Variants in NREP observed in about 807,000 individuals in gnomAD.
NREP encodes neuronal regeneration-related protein.
A neutral mutation model predicts 8.6 loss-of-function variants in NREP; 5 were observed. The observed-to-expected ratio is 0.58, with a 90% CI of 0.30 to 1.22. The LOEUF (loss-of-function observed/expected upper bound fraction) is 1.22. Ranked by LOEUF, NREP falls within the 50% of genes most tolerant of loss-of-function variation. The pLI, the probability that NREP is intolerant of heterozygous loss-of-function variation, is 0.07. For synonymous variants in NREP, 27 were observed against 28.0 expected (o/e 0.96, Z 0.11); for missense variants, 86 against 82.5 (o/e 1.04, Z -0.17).
At chr5:111,929,825 T>G (rs1755488091) in intron 2 of NREP, among the ~76,000 whole-genome samples, 1 of 152,168 alleles carries the variant, frequency 6.6e-6, no homozygotes, top group Non-Finnish European at 1.5e-5. Flanking sequence ...AATAAGTGAT[T>G]AAGTGATTGA....
intron 2 of NREP, among the ~76,000 whole-genome samples, chr5:111,913,926 T>C (rs528816773): frequency 2.4e-4 from 37 of 152,236 alleles, no homozygotes; most frequent in Admixed American, 1.2e-3. Context: ...CTTTAAAAAC[T>C]AAAAGCATGC....
At chr5:111,973,904 C>G (rs1360472754) in intron 2 of NREP, among the ~76,000 whole-genome samples, 1 of 152,136 alleles carries the variant, frequency 6.6e-6, no homozygotes, top group East Asian at 1.9e-4. Context: ...TTTATCTACC[C>G]CTAATTTGTT....
intron 2 of NREP, among the ~76,000 whole-genome samples, chr5:111,745,171 G>A (rs961953579): frequency 3.3e-5 from 5 of 152,086 alleles, no homozygotes; most frequent in South Asian, 2.1e-4. Context: ...TATATAAAGC[G>A]CTGGCAACAG....
intron 2 of NREP, among the ~76,000 whole-genome samples, chr5:111,844,918 T>G (rs1753122294): frequency 1.3e-5 from 2 of 151,590 alleles, no homozygotes; most frequent in African/African-American, 4.8e-5. Flanking sequence ...TATCTATTAT[T>G]ATGTATTTTA....
chr5:111,975,485 T>C, intron 1 of NREP: 1 of 741,006 alleles, frequency 1.3e-6, no homozygotes, highest in South Asian at 1.7e-5. Flanking sequence ...TGTTCTCATT[T>C]CTAAAATGAG....
In NREP at chr5:111,807,659, T is replaced by C. The variant is rs6871497; in HGVS notation, c.136-72152A>G. Among the ~76,000 whole-genome samples the C allele has an allele frequency of 7.6e-3, 1,151 of 151,986 alleles. 23 individuals are homozygous for C. The highest frequency in any genetic ancestry group is 0.027 in the African/African-American group (1,108 of 41,470). ...CTTGCTTAGAAACCCTAAAGAGACTTAGAAAAAAAAACCAGATTTCAGGGA... is the reference window on the plus strand; with the variant it reads ...CTTGCTTAGAAACCCTAAAGAGACTCAGAAAAAAAAACCAGATTTCAGGGA... On this transcript the variant is annotated intron_variant, in intron 2 of 3. Coordinates refer to the NREP transcript ENST00000395634.
chr5:111,973,674 C>G (rs1756884534), intron 2 of NREP, among the ~76,000 whole-genome samples: 1 of 152,146 alleles, frequency 6.6e-6, no homozygotes, highest in African/African-American at 2.4e-5. Flanking sequence ...CCAGCTCAAG[C>G]TTATGACTAC....
At chr5:111,908,797 C>A (rs773898610) in intron 2 of NREP, among the ~76,000 whole-genome samples, 1 of 151,966 alleles carries the variant, frequency 6.6e-6, no homozygotes, top group Non-Finnish European at 1.5e-5. Flanking sequence ...TACCCACTAA[C>A]GGAATTGCTA....
chr5:111,828,586 C>G (rs1223063526), intron 2 of NREP, among the ~76,000 whole-genome samples: 1 of 151,912 alleles, frequency 6.6e-6, no homozygotes, highest in African/African-American at 2.4e-5. Context: ...GATTAGAGCG[C>G]TTAATTACAG....
At chr5:111,966,841 G>A (rs1756656144) in intron 2 of NREP, among the ~76,000 whole-genome samples, 1 of 152,080 alleles carries the variant, frequency 6.6e-6, no homozygotes, top group Non-Finnish European at 1.5e-5. Context: ...CACTATGTAA[G>A]GGAACCAAGA....
chr5:111,950,449 A>C (rs1001571304), intron 2 of NREP, among the ~76,000 whole-genome samples: 2 of 152,170 alleles, frequency 1.3e-5, no homozygotes, highest in African/African-American at 4.8e-5. Flanking sequence ...AAACCCTGGG[A>C]GAAAACCTAG....
At chr5:111,740,138 C>T (rs1427193767) in intron 2 of NREP, among the ~76,000 whole-genome samples, 1 of 152,038 alleles carries the variant, frequency 6.6e-6, no homozygotes, top group Non-Finnish European at 1.5e-5. Flanking sequence ...TTGGTTAATG[C>T]ATCTTTTTCT....
chr5:111,974,147 T>C (rs1378886636), intron 2 of NREP, among the ~76,000 whole-genome samples: 1 of 152,232 alleles, frequency 6.6e-6, no homozygotes, highest in Non-Finnish European at 1.5e-5. Context: ...GAGTGTGTTC[T>C]GTATAGTGTC....
chr5:111,788,517 G>A (rs558745868), intron 2 of NREP, among the ~76,000 whole-genome samples: 5 of 152,170 alleles, frequency 3.3e-5, no homozygotes, highest in Non-Finnish European at 7.4e-5. Context: ...GCCAGAGCAT[G>A]AAGTCAGAAC....
intron 2 of NREP, among the ~76,000 whole-genome samples, chr5:111,751,710 C>G (rs76496720): frequency 9.9e-5 from 15 of 152,032 alleles, no homozygotes; most frequent in Non-Finnish European, 2.1e-4. Flanking sequence ...TTGTATAACA[C>G]GGGAATTATA....
chr5:111,869,089 A>G (rs1753730626), intron 2 of NREP, among the ~76,000 whole-genome samples: 1 of 152,208 alleles, frequency 6.6e-6, no homozygotes, highest in Admixed American at 6.5e-5. Flanking sequence ...ACAAGGTGGG[A>G]ATAATTTGAG....
intron 2 of NREP, among the ~76,000 whole-genome samples, chr5:111,835,039 T>G (rs2112940514): frequency 6.6e-6 from 1 of 152,266 alleles, no homozygotes; most frequent in South Asian, 2.1e-4. Context: ...AGAGGAACAT[T>G]CCTTGCACAG....
chr5:111,912,873 C>A (rs1494587), intron 2 of NREP, among the ~76,000 whole-genome samples: 90,917 of 151,962 alleles, frequency 0.6, 27,673 homozygotes, highest in Non-Finnish European at 0.65. Context: ...GGCATCGTGC[C>A]TAGGTAAAGT....
At position 111,841,269 on chromosome 5, in the gene NREP, C is replaced by A. The variant is rs939966502; in HGVS notation, c.136-105762G>T. Among the ~76,000 whole-genome samples, 5 of 152,132 alleles carry A rather than the reference C, an allele frequency of 3.3e-5. No individual in the cohort carries two copies. The East Asian group carries it at 9.6e-4, about 29-fold the overall frequency. On this transcript the variant is annotated intron_variant, in intron 2 of 3. Coordinates refer to the NREP transcript ENST00000395634. ...ACATGGGAATATTTATCCATCAGCT[C>A]CTTTCCTCCACTGGTCAAGGGTTGC...
Sources: gnomAD v4.1 joint callset for allele counts (sites outside exome capture counted in the v4.1 genomes callset) on GRCh38, gnomAD v4.1.1 for gene constraint, MANE v1.5 for transcripts, NCBI Gene and HGNC (gene_info 2026-07-23, HGNC 2026-07-21) for gene names.